Variants in SORCS3 observed in about 807,000 individuals in gnomAD.
The protein encoded by SORCS3 is sortilin related VPS10 domain containing receptor 3.
A neutral mutation model predicts 146.3 loss-of-function variants in SORCS3; 57 were observed. The ratio of observed to expected loss-of-function variants is 0.39; its 90% confidence interval spans 0.31 to 0.49. The LOEUF (loss-of-function observed/expected upper bound fraction) is 0.49. Among genes scored for constraint, SORCS3 ranks in the 20% least tolerant of loss-of-function variants. The probability of loss-of-function intolerance (pLI) is 0.92; values close to 1 mark genes in which losing one functional copy is unlikely to be tolerated. For missense variants in SORCS3, 1,341 were observed against 1,575.5 expected, an observed-to-expected ratio of 0.85 and a Z score of 2.52; for synonymous variants, 653 against 618.5, an observed-to-expected ratio of 1.06 and a Z score of -0.83.
intron 1 of SORCS3, among the ~76,000 whole-genome samples, chr10:104,701,058 T>C (rs1019791691): frequency 2.6e-5 from 4 of 152,250 alleles, no homozygotes; most frequent in African/African-American, 9.6e-5. Flanking sequence ...ATCTTGCATT[T>C]GCTGTACTTG....
chr10:104,695,207 T>A (rs1212018848), intron 1 of SORCS3, among the ~76,000 whole-genome samples: 1 of 152,128 alleles, frequency 6.6e-6, no homozygotes, highest in Non-Finnish European at 1.5e-5. Context: ...CCAGAGATAT[T>A]TTCACTTATA....
chr10:104,724,929 C>T (rs1218083025), intron 1 of SORCS3, among the ~76,000 whole-genome samples: 1 of 152,142 alleles, frequency 6.6e-6, no homozygotes, highest in East Asian at 1.9e-4. Flanking sequence ...GAACTTCCTC[C>T]TTTAGCTCGG....
rs1386040915 is a variant in SORCS3, at chr10:105,043,145, C to T, written c.1028+17C>T. ...GTTTTATTGGTAAGCCCTATCCACA[C>T]ACTCATTACTTCTTAGATAAAGAAT... On this transcript the variant is annotated intron_variant, in intron 5 of 26. Coordinates refer to ENST00000369701, the MANE Select transcript of SORCS3 (RefSeq NM_014978.3). The T allele has an allele frequency of 6.2e-7, 1 of 1,605,338 alleles. No homozygotes were observed. The highest frequency in any genetic ancestry group is 8.5e-7 in the Non-Finnish European group (1 of 1,172,102).
intron 1 of SORCS3, among the ~76,000 whole-genome samples, chr10:104,839,646 T>C (rs2018114597): frequency 6.6e-6 from 1 of 152,134 alleles, no homozygotes; most frequent in East Asian, 1.9e-4. Context: ...AGGTTTCTGA[T>C]CAAGGAAGTG....
intron 5 of SORCS3, among the ~76,000 whole-genome samples, chr10:105,081,329 T>C (rs2055624066): frequency 6.6e-6 from 1 of 152,156 alleles, no homozygotes; most frequent in Admixed American, 6.5e-5. Context: ...TGCCACCCCC[T>C]TCCAAGACCA....
chr10:104,891,816 T>C (rs1267938743), intron 2 of SORCS3, among the ~76,000 whole-genome samples: 3 of 152,266 alleles, frequency 2.0e-5, no homozygotes, highest in East Asian at 3.9e-4. Context: ...AGAGCTAGCA[T>C]TGGATCCAGA....
At chr10:105,219,671 G>A (rs1011181852) in intron 19 of SORCS3, among the ~76,000 whole-genome samples, 2 of 152,148 alleles carry the variant, frequency 1.3e-5, no homozygotes, top group Non-Finnish European at 2.9e-5. Context: ...ATGAATTAGA[G>A]TATTTACTAA....
intron 3 of SORCS3, among the ~76,000 whole-genome samples, chr10:104,951,670 A>T (rs1413427389): frequency 6.6e-6 from 1 of 152,148 alleles, no homozygotes; most frequent in Non-Finnish European, 1.5e-5. Context: ...AGGATTACAT[A>T]ACAGTCTGTA....
At chr10:104,749,016 C>T (rs1027580655) in intron 1 of SORCS3, among the ~76,000 whole-genome samples, 2 of 152,174 alleles carry the variant, frequency 1.3e-5, no homozygotes, top group Non-Finnish European at 2.9e-5. Context: ...AGTCCTGAAG[C>T]AGGAGCATGG....
intron 2 of SORCS3, among the ~76,000 whole-genome samples, chr10:104,872,875 A>G (rs1312535877): frequency 6.6e-6 from 1 of 152,210 alleles, no homozygotes. Flanking sequence ...CAGAAGGAAA[A>G]TTGTGTTATG....
chr10:104,726,388 T>A (rs1004848147), intron 1 of SORCS3, among the ~76,000 whole-genome samples: 1 of 152,180 alleles, frequency 6.6e-6, no homozygotes, highest in Non-Finnish European at 1.5e-5. Flanking sequence ...AGTTTTTGCT[T>A]GGAACTAAAC....
At chr10:104,787,936 A>G (rs774810219) in intron 1 of SORCS3, among the ~76,000 whole-genome samples, 14 of 152,312 alleles carry the variant, frequency 9.2e-5, no homozygotes, top group Non-Finnish European at 2.1e-4. Flanking sequence ...TCTGCTTTCA[A>G]CATAGCCTGT....
intron 7 of SORCS3, among the ~76,000 whole-genome samples, chr10:105,131,687 T>C (rs1390596798): frequency 1.3e-5 from 2 of 152,058 alleles, no homozygotes; most frequent in African/African-American, 2.4e-5. Context: ...ATGGGAAGCA[T>C]GATGCTTGGC....
At chr10:104,976,099 A>T (rs2054895697) in intron 3 of SORCS3, among the ~76,000 whole-genome samples, 1 of 152,244 alleles carries the variant, frequency 6.6e-6, no homozygotes, top group African/African-American at 2.4e-5. Flanking sequence ...ACAGTGAAAG[A>T]AACTACCATC....
At chr10:104,749,136 G>C (rs1166142522) in intron 1 of SORCS3, among the ~76,000 whole-genome samples, 1 of 152,042 alleles carries the variant, frequency 6.6e-6, no homozygotes, top group East Asian at 1.9e-4. Context: ...ATGGAGAGTT[G>C]TGATTTTACT....
chr10:104,978,020 G>A lies in SORCS3; in HGVS notation c.954+527G>A, dbSNP rs574295440. On this transcript the variant is annotated intron_variant, in intron 4 of 26. Transcript: ENST00000369701. Reference sequence around the variant, plus strand: ...GCTGGGATTACAGGCGTGAGTCACCGTATTTCACATTTTTAAAATGACTTT... The same window carrying A: ...GCTGGGATTACAGGCGTGAGTCACCATATTTCACATTTTTAAAATGACTTT... Among the ~76,000 whole-genome samples, 20 of 152,152 alleles carry A rather than the reference G, an allele frequency of 1.3e-4. No individual in the cohort carries two copies. In the South Asian group the frequency reaches 3.9e-3, roughly 30 times the overall value.
chr10:104,661,103 C>T (rs1159306033), intron 1 of SORCS3, among the ~76,000 whole-genome samples: 2 of 152,214 alleles, frequency 1.3e-5, no homozygotes, highest in Non-Finnish European at 2.9e-5. Context: ...TAAACAGTGA[C>T]TTCCTCTTGC....
At chr10:104,860,949 C>T (rs991045868) in intron 2 of SORCS3, among the ~76,000 whole-genome samples, 4 of 152,158 alleles carry the variant, frequency 2.6e-5, no homozygotes, top group African/African-American at 4.8e-5. Context: ...ACAGTCCCCT[C>T]AGTGGAAGAC....
chr10:105,169,472 T>C (rs965492230), intron 13 of SORCS3, among the ~76,000 whole-genome samples: 1 of 151,974 alleles, frequency 6.6e-6, no homozygotes, highest in African/African-American at 2.4e-5. Flanking sequence ...CAGCAGGTGA[T>C]GTGAGGGCTG....
Sources: allele counts gnomAD v4.1 joint callset (sites outside exome capture counted in the v4.1 genomes callset), GRCh38; gene constraint gnomAD v4.1.1; transcripts MANE v1.5; gene names NCBI Gene and HGNC (gene_info 2026-07-23, HGNC 2026-07-21).